Variants in RAB5B observed in about 807,000 individuals in gnomAD.
RAB5B encodes ras-related protein Rab-5B.
A neutral mutation model predicts 28.6 loss-of-function variants in RAB5B; 11 were observed. The ratio of observed to expected loss-of-function variants is 0.38; its 90% CI spans 0.24 to 0.64. The LOEUF (loss-of-function observed/expected upper bound fraction) is 0.64, where lower values mean the gene tolerates loss of function less well. Ranked by LOEUF, RAB5B falls within the 30% of genes least tolerant of loss-of-function variation. The pLI is 0.53. For synonymous variants in RAB5B, 93 were observed against 97.9 expected, an observed-to-expected ratio of 0.95 and a Z score of 0.29; for missense variants, 169 against 265.6, an observed-to-expected ratio of 0.64 and a Z score of 2.53.
intron 1 of RAB5B, among the ~76,000 whole-genome samples, chr12:55,978,995 A>C (rs1293994272): frequency 1.3e-5 from 2 of 151,856 alleles, no homozygotes; most frequent in Middle Eastern, 3.4e-3. Flanking sequence ...CTGGTCTCGA[A>C]CTCCTAACCT....
At chr12:55,991,001 C>T (rs1047838804) in intron 4 of RAB5B, 197 bp downstream of exon 4, 12 of 686,086 alleles carry the variant, frequency 1.7e-5, no homozygotes, top group Non-Finnish European at 2.8e-5. Context: ...GAGAAAACTC[C>T]AGAGCAGAGG....
At chr12:55,985,730 C>A in intron 1 of RAB5B, 1 of 455,978 alleles carries the variant, frequency 2.2e-6, no homozygotes, top group African/African-American at 2.0e-5. Flanking sequence ...GAAGGTATAC[C>A]TTTCTCTGCC....
chr12:55,984,547 G>C (rs1889901983), intron 1 of RAB5B, among the ~76,000 whole-genome samples: 1 of 152,116 alleles, frequency 6.6e-6, no homozygotes, highest in Admixed American at 6.5e-5. Flanking sequence ...TGGCGCATCA[G>C]CTCAGTGCAC....
Position 55,990,742 on chromosome 12 carries a change from A to G in RAB5B, c.376A>G (p.Ile126Val). 1.2e-6 allele frequency: 2 copies of G among 1,614,140 alleles called. No individual in the cohort carries two copies. Among genetic ancestry groups the G allele is most frequent in the South Asian group, 1.1e-5 (1 of 91,086 alleles). The change falls in exon 4 of 6, where the codon ATC (isoleucine) becomes GTC (valine). Residue 126 changes from isoleucine (I) to valine (V), a missense_variant. Ile to Val is a conservative substitution (Grantham distance 29, BLOSUM62 3). This residue lies in a region of RAB5B where 123 missense variants were observed against 162.4 expected (regional missense o/e 0.76). Transcript: ENST00000360299. ...KELQRQASPSIVIALAGNKAD... is the reference protein window; with the variant it reads ...KELQRQASPSVVIALAGNKAD... ...ACTACAGCGACAGGCCAGTCCTAGC[A>G]TCGTTATTGCCCTGGCAGGGAACAA...
intron 1 of RAB5B, among the ~76,000 whole-genome samples, chr12:55,986,597 G>C (rs1889957790): frequency 6.6e-6 from 1 of 152,202 alleles, no homozygotes; most frequent in African/African-American, 2.4e-5. Context: ...TGAAGACCTG[G>C]TGGGGAATTA....
intron 4 of RAB5B, 129 bp from the exon 5 acceptor site, chr12:55,991,231 G>A: frequency 1.5e-6 from 1 of 657,968 alleles, no homozygotes; most frequent in Non-Finnish European, 2.7e-6. Context: ...AGGCTAGCTG[G>A]CTCAAAGGGG....
At chr12:55,988,386 G>A (rs1021358750) in intron 2 of RAB5B, among the ~76,000 whole-genome samples, 4 of 152,130 alleles carry the variant, frequency 2.6e-5, no homozygotes, top group African/African-American at 9.7e-5. Flanking sequence ...AATACAAAGG[G>A]TGTCTGTCTT....
rs1233134433 is a variant in RAB5B, at chr12:55,986,925, C to A, written c.-36C>A. The A allele has an allele frequency of 9.1e-7, 1 of 1,104,536 alleles. No homozygotes were observed. The highest frequency in any genetic ancestry group is 1.3e-5 in the South Asian group (1 of 79,656). 68.4% of individuals were successfully genotyped at this position (1,104,536 alleles called of 1,614,324 possible). On this transcript the variant is annotated 5_prime_UTR_variant, in exon 2 of 6. Coordinates refer to ENST00000360299, the MANE Select transcript of RAB5B (RefSeq NM_002868.4). ...CCCCCTCCCCCCTTTACAGTATCCCCCTCCCTCCACCCTTTCCCATTCTGA... is the reference window on the plus strand; with the variant it reads ...CCCCCTCCCCCCTTTACAGTATCCCACTCCCTCCACCCTTTCCCATTCTGA...
intron 4 of RAB5B, 33 bp downstream of exon 4, chr12:55,990,837 TTCC>T: frequency 6.2e-7 from 1 of 1,607,136 alleles, no homozygotes; most frequent in Non-Finnish European, 8.5e-7. Flanking sequence ...TCTCTAACAC[TTCC>T]TCTGTTCCTG....
Position 55,990,796 on chromosome 12 carries a change from G to C in RAB5B, c.430G>C (p.Glu144Gln), listed in dbSNP as rs772774493. Residue 144 changes from glutamate to glutamine, a missense_variant, in exon 4 of 6, where the codon GAG becomes CAG. Glu to Gln is a conservative substitution (Grantham distance 29). This residue lies in a region of RAB5B where 123 missense variants were observed against 162.4 expected (regional missense o/e 0.76). Coordinates refer to ENST00000360299, the MANE Select transcript of RAB5B (RefSeq NM_002868.4). Reference protein sequence around the residue: ...KADLANKRMVEYEEAQAYADD... With the variant: ...KADLANKRMVQYEEAQAYADD... ...TGACCTGGCCAACAAACGTATGGTG[G>C]AGTATGAAGTAAGGTGGCCCGTGGA... 6.2e-7 allele frequency: 1 copy of C among 1,613,812 alleles called. No individual in the cohort carries two copies. Among genetic ancestry groups the C allele is most frequent in the African/African-American group, 1.3e-5 (1 of 74,934 alleles).
chr12:55,992,801 A>G lies in RAB5B; in HGVS notation c.*589A>G, dbSNP rs188482287. The G allele has an allele frequency of 6.0e-4, 175 of 293,688 alleles. 2 individuals carry two copies. The East Asian group carries it at 0.016, about 26-fold the overall frequency. The allele number at this position is 293,688 out of a possible 1,614,324, so 18.2% of individuals were successfully genotyped here. On this transcript the variant is annotated 3_prime_UTR_variant, in exon 6 of 6. Transcript: ENST00000360299. Reference sequence around the variant, plus strand: ...CATATTTGAAAACATTGCGGTATCCATGATTTGGCCTTGTGGAGGGTGTTC... The same window carrying G: ...CATATTTGAAAACATTGCGGTATCCGTGATTTGGCCTTGTGGAGGGTGTTC...
chr12:55,986,575 A>G (rs1455154817), intron 1 of RAB5B, among the ~76,000 whole-genome samples: 2 of 152,252 alleles, frequency 1.3e-5, no homozygotes, highest in African/African-American at 2.4e-5. Flanking sequence ...GTGTGACTCA[A>G]ACAAAAAACT....
intron 1 of RAB5B, among the ~76,000 whole-genome samples, chr12:55,984,899 C>T (rs1027030000): frequency 2.6e-5 from 4 of 152,122 alleles, no homozygotes; most frequent in Non-Finnish European, 5.9e-5. Flanking sequence ...GTATTTTTTC[C>T]ATTTTACAAA....
rs1362861886 is a variant in RAB5B at position 55,987,125 on chromosome 12, T to C, written c.163+2T>C. ...AGTACCAGGAGAGCACCATTGGAGG[T>C]GAGTGCCTTGGGGTAATAGGAGATT... On this transcript the variant is annotated splice_donor_variant, in intron 2 of 5. Transcript: ENST00000360299. LOFTEE classifies it high-confidence loss of function. 3 of 1,611,116 alleles carry C rather than the reference T, an allele frequency of 1.9e-6. No homozygotes were observed. Among genetic ancestry groups the C allele is most frequent in the African/African-American group, 1.3e-5 (1 of 74,588 alleles).
intron 1 of RAB5B, among the ~76,000 whole-genome samples, chr12:55,978,590 T>A (rs895938417): frequency 6.6e-6 from 1 of 151,746 alleles, no homozygotes. Flanking sequence ...GGGAGAGAAG[T>A]AGAATTACTT....
chr12:55,992,384 A>G lies in RAB5B; in HGVS notation c.*172A>G, dbSNP rs1368335100. ...ACTTTTTAACGCTTCAGCAACAAAC[A>G]CCAGGCAGCTGTTGCCACTGGCCTC... On this transcript the variant is annotated 3_prime_UTR_variant, in exon 6 of 6. Transcript: ENST00000360299. The G allele has an allele frequency of 1.4e-6, 1 of 695,046 alleles. No individual in the cohort carries two copies. Among genetic ancestry groups the G allele is most frequent in the African/African-American group, 1.8e-5 (1 of 56,032 alleles). The allele number at this position is 695,046 out of a possible 1,614,324, so 43.1% of individuals were successfully genotyped here.
intron 1 of RAB5B, chr12:55,980,743 C>A: frequency 6.3e-7 from 1 of 1,579,704 alleles, no homozygotes; most frequent in Non-Finnish European, 8.7e-7. Flanking sequence ...TCTGAATATT[C>A]TCGAAAGATT....
At chr12:55,980,453 A>G (rs558863633) in intron 1 of RAB5B, 2 of 1,591,546 alleles carry the variant, frequency 1.3e-6, no homozygotes, top group Non-Finnish European at 1.7e-6. Context: ...GGTGTTCTTT[A>G]TGTCACAAGT....
At position 55,991,369 on chromosome 12, in the gene RAB5B, G is replaced by C. The variant is rs201470751; in HGVS notation, c.448G>C (p.Ala150Pro). ...KRMVEYEEAQ[A>P]YADDNSLLFM... is the part of the protein sequence containing the mutation. ...ATCCCACTCCTTGCAGGAGGCCCAGGCATATGCAGATGACAACAGCTTATT... is the reference window on the plus strand; with the variant it reads ...ATCCCACTCCTTGCAGGAGGCCCAGCCATATGCAGATGACAACAGCTTATT... Residue 150 changes from alanine (A) to proline (P), a missense_variant, in exon 5 of 6, where the codon GCA becomes CCA. By Grantham distance (27) the Ala-to-Pro change is conservative. Around this residue, in one of 3 missense-constraint regions of RAB5B, gnomAD observed 123 missense variants for 162.4 expected, o/e 0.76. Transcript: ENST00000360299. 114 of 1,613,618 alleles carry C rather than the reference G, an allele frequency of 7.1e-5. No individual in the cohort carries two copies. The highest frequency in any genetic ancestry group is 1.8e-4 in the Admixed American group (11 of 60,006).
Sources: allele counts gnomAD v4.1 joint callset (sites outside exome capture counted in the v4.1 genomes callset), GRCh38; gene constraint gnomAD v4.1.1; regional missense constraint gnomAD v4.1.1; transcripts MANE v1.5; gene names NCBI Gene and HGNC (gene_info 2026-07-23, HGNC 2026-07-21).